The following CEP152 variants were observed in gnomAD, a reference collection of about 807,000 sequenced individuals.
The protein encoded by CEP152 is centrosomal protein 152.
CEP152 carries 132 observed loss-of-function variants against 188.9 expected under a neutral mutation model. The ratio of observed to expected loss-of-function variants is 0.70; its 90% CI spans 0.61 to 0.81. The LOEUF (loss-of-function observed/expected upper bound fraction) is 0.81. Among genes scored for constraint, CEP152 ranks in the 30% least tolerant of loss-of-function variants. The pLI is 0.00. For synonymous variants in CEP152, 649 were observed against 666.6 expected, an observed-to-expected ratio of 0.97 and a Z score of 0.41; for missense variants, 1,914 against 1,969.8, an observed-to-expected ratio of 0.97 and a Z score of 0.54.
At chr15:48,765,636 A>ATTTTTTTTTTTTTTTTTTCTTTTTTTTT in intron 17 of CEP152, 1 of 188,120 alleles carries the variant, frequency 5.3e-6, no homozygotes, top group Admixed American at 1.1e-4. Context: ...GTTCTTGCCA[A>ATTTTTTTTTTTTTTTTTTCTTTTTTTTT]TTTTTTTTTT....
At chr15:48,797,626 C>A (rs376302030) in intron 4 of CEP152, 35 bp downstream of exon 4, 2 of 1,613,894 alleles carry the variant, frequency 1.2e-6, no homozygotes, top group African/African-American at 2.7e-5. Flanking sequence ...TCCAGTCCCA[C>A]CCTCACCAAA....
intron 2 of CEP152, among the ~76,000 whole-genome samples, chr15:48,731,779 T>G (rs920021206): frequency 2.0e-5 from 3 of 152,118 alleles, no homozygotes; most frequent in Admixed American, 6.6e-5. Flanking sequence ...ACTTTTGCAA[T>G]CTACCCATCT....
At chr15:48,737,584 C>G (rs1048982713), downstream of CEP152, among the ~76,000 whole-genome samples, 4 of 151,886 alleles carry the variant, frequency 2.6e-5, no homozygotes, top group African/African-American at 9.7e-5. Flanking sequence ...AAATGTGAAG[C>G]CATAAAAGAG....
At chr15:48,730,375 G>C (rs368770789) in intron 2 of CEP152, among the ~76,000 whole-genome samples, 20 of 152,342 alleles carry the variant, frequency 1.3e-4, no homozygotes, top group African/African-American at 4.8e-4. Context: ...TTTGGGGCAA[G>C]AGATGGGCAG....
At chr15:48,774,719 T>G (rs564461977) in intron 12 of CEP152, among the ~76,000 whole-genome samples, 4 of 152,194 alleles carry the variant, frequency 2.6e-5, no homozygotes, top group Admixed American at 2.6e-4. Flanking sequence ...TTTAAAACAC[T>G]CATACAAATT....
intron 24 of CEP152, 70 bp from the exon 25 acceptor site, chr15:48,742,170 G>T: frequency 7.3e-7 from 1 of 1,367,332 alleles, no homozygotes; most frequent in Non-Finnish European, 1.0e-6. Context: ...AGGAGGGGCA[G>T]ACTTCAGATC....
intron 22 of CEP152, among the ~76,000 whole-genome samples, chr15:48,747,375 G>C (rs546133277): frequency 5.3e-5 from 8 of 152,140 alleles, no homozygotes; most frequent in Non-Finnish European, 1.0e-4. Flanking sequence ...ATGGCTATTA[G>C]GATGAACAAG....
intron 20 of CEP152, among the ~76,000 whole-genome samples, chr15:48,753,178 G>C (rs1040320347): frequency 1.3e-5 from 2 of 151,840 alleles, no homozygotes; most frequent in African/African-American, 4.8e-5. Flanking sequence ...CTCCTCTATC[G>C]GCCAGGCTGA....
chr15:48,740,942 C>T (rs192927578), intron 26 of CEP152: 1 of 763,488 alleles, frequency 1.3e-6, no homozygotes, highest in African/African-American at 1.9e-5. Context: ...CTAATTACCC[C>T]ATTCATATCC....
In CEP152 at chr15:48,789,209, T is replaced by C. The variant is rs541881149; in HGVS notation, c.973-208A>G. 67 of 594,888 alleles carry C rather than the reference T, an allele frequency of 1.1e-4. No homozygotes were observed. In the South Asian group the frequency reaches 1.2e-3, roughly 11 times the overall value. 36.9% of individuals were successfully genotyped at this position (594,888 alleles called of 1,614,324 possible). ...AGGCCCATAGTTGTTGGAAACAATG[T>C]TCCCTGAGAAAATACATTTGGTAGA... On this transcript the variant is annotated intron_variant, in intron 8 of 26. Coordinates refer to ENST00000380950, the MANE Select transcript of CEP152 (RefSeq NM_001194998.2).
rs374392378 is a variant in CEP152 at position 48,741,730 on chromosome 15, A to C, written c.3990-26T>G. ...CTGTGGGGAATTCCAGAATATTAAAAATATAGTTTAAAGGAAAAAATGAGT... is the reference window on the plus strand; with the variant it reads ...CTGTGGGGAATTCCAGAATATTAAACATATAGTTTAAAGGAAAAAATGAGT... On this transcript the variant is annotated intron_variant, in intron 25 of 26. Coordinates refer to ENST00000380950, the MANE Select transcript of CEP152 (RefSeq NM_001194998.2). 6 of 1,613,556 alleles carry C rather than the reference A, an allele frequency of 3.7e-6. No individual in the cohort carries two copies. The African/African-American group carries it at 8.0e-5, about 22-fold the overall frequency.
At chr15:48,790,251 A>C (rs1200274912) in intron 8 of CEP152, among the ~76,000 whole-genome samples, 2 of 152,204 alleles carry the variant, frequency 1.3e-5, no homozygotes, top group Admixed American at 1.3e-4. Context: ...TAATGACCAA[A>C]CAGAAAAGGT....
At chr15:48,760,343 T>C (rs934367473) in intron 18 of CEP152, 77 bp from the exon 19 acceptor site, 1 of 1,546,012 alleles carries the variant, frequency 6.5e-7, no homozygotes, top group Non-Finnish European at 8.9e-7. Context: ...ACAGCAATTA[T>C]GATTTCAGTA....
chr15:48,795,932 T>C (rs533051601), intron 6 of CEP152, 78 bp downstream of exon 6: 2 of 1,285,286 alleles, frequency 1.6e-6, no homozygotes, highest in South Asian at 2.4e-5. Flanking sequence ...AATTCTTGAA[T>C]GTGCTCAAAT....
chr15:48,796,155 G>A lies in CEP152; in HGVS notation c.546C>T (p.Pro182=). The A allele has an allele frequency of 6.2e-7, 1 of 1,613,490 alleles. No individual in the cohort carries two copies. The highest frequency in any genetic ancestry group is 8.5e-7 in the Non-Finnish European group (1 of 1,179,678). Residue 182 remains proline (P), a synonymous_variant, in exon 6 of 27, where the codon CCC becomes CCT. Transcript: ENST00000380950. ...SDPQWNHFQG[P]SCQGLEPYNK... ...TATACGGTTCCAAACCTTGACAACT[G>A]GGACCCTGTGATAACAAATGAAACT...
chr15:48,801,171 G>T (rs1295009141), intron 2 of CEP152, among the ~76,000 whole-genome samples: 1 of 152,186 alleles, frequency 6.6e-6, no homozygotes. Context: ...CTTCTAAAAA[G>T]ATTCTGATAT....
In CEP152 at chr15:48,767,448, A is replaced by G. The variant is rs182018947; in HGVS notation, c.2034T>C (p.Tyr678=). 1.5e-5 allele frequency: 24 copies of G among 1,613,976 alleles called. No homozygotes were observed. The highest frequency in any genetic ancestry group is 2.2e-5 in the East Asian group (1 of 44,890). The change falls in exon 16 of 27, where the codon TAT becomes TAC. Residue 678 remains tyrosine (Y), a synonymous_variant. Transcript: ENST00000380950. ...QEAVDRCERT[Y]QQHHEAMKTQ... is the part of the protein sequence containing the mutation. ...TTTTCATGGCTTCATGGTGCTGCTG[A>G]TAAGTCCTTTCACACCTGGAAACAG... is the stretch of plus-strand genomic sequence containing the variant.
chr15:48,736,941 G>T (rs1382046828), downstream of CEP152, among the ~76,000 whole-genome samples: 2 of 152,152 alleles, frequency 1.3e-5, no homozygotes, highest in Non-Finnish European at 2.9e-5. Context: ...TTTCTAGAGT[G>T]AGAGATGACA....
At chr15:48,774,996 A>C (rs1156526151) in intron 12 of CEP152, among the ~76,000 whole-genome samples, 2 of 152,154 alleles carry the variant, frequency 1.3e-5, no homozygotes, top group African/African-American at 4.8e-5. Flanking sequence ...AACAAAAGTT[A>C]AAATAAAAAC....
Sources: gnomAD v4.1 joint callset for allele counts (sites outside exome capture counted in the v4.1 genomes callset) on GRCh38, gnomAD v4.1.1 for gene constraint, MANE v1.5 for transcripts, NCBI Gene and HGNC (gene_info 2026-07-23, HGNC 2026-07-21) for gene names.